The following NMT2 variants were observed in gnomAD, a reference collection of about 807,000 sequenced individuals.
The protein encoded by NMT2 is N-myristoyltransferase 2, also known as glycylpeptide N-tetradecanoyltransferase 2.
NMT2 carries 35 observed loss-of-function variants against 65.4 expected under a neutral mutation model. The observed-to-expected ratio is 0.54, with a 90% confidence interval of 0.41 to 0.71. The LOEUF is 0.71. Among genes scored for constraint, NMT2 ranks in the 30% least tolerant of loss-of-function variants. NMT2 has a pLI of 0.00. For missense variants in NMT2, 489 were observed against 611.3 expected, an observed-to-expected ratio of 0.80 and a Z score of 2.11; for synonymous variants, 226 against 231.8, an observed-to-expected ratio of 0.98 and a Z score of 0.23.
intron 8 of NMT2, among the ~76,000 whole-genome samples, chr10:15,127,981 TCG>T (rs1846154511): frequency 1.3e-5 from 2 of 152,150 alleles, no homozygotes; most frequent in Admixed American, 1.3e-4. Context: ...TTATTTCCAC[TCG>T]CTGGGTCTCT....
At chr10:15,130,903 C>T (rs528502980) in intron 6 of NMT2, among the ~76,000 whole-genome samples, 1 of 150,534 alleles carries the variant, frequency 6.6e-6, no homozygotes, top group African/African-American at 2.4e-5. Context: ...GATTCTCCTG[C>T]GTCAGCCTCC....
chr10:15,138,523 G>A, intron 2 of NMT2: 1 of 469,518 alleles, frequency 2.1e-6, no homozygotes, highest in Non-Finnish European at 4.4e-6. Context: ...TCCTATATAA[G>A]AGGCAGGTAT....
At chr10:15,152,262 A>G (rs1832831771) in intron 1 of NMT2, among the ~76,000 whole-genome samples, 1 of 152,200 alleles carries the variant, frequency 6.6e-6, no homozygotes, top group Admixed American at 6.5e-5. Flanking sequence ...CTCAAACACA[A>G]AAGGAAATGC....
At chr10:15,119,610 A>G (rs1347811965) in intron 8 of NMT2, 97 bp from the exon 9 acceptor site, 1 of 988,392 alleles carries the variant, frequency 1.0e-6, no homozygotes, top group East Asian at 2.4e-5. Flanking sequence ...CAGCAGAATG[A>G]GCAGCACGCG....
intron 8 of NMT2, among the ~76,000 whole-genome samples, chr10:15,123,301 C>G (rs956908459): frequency 9.2e-5 from 14 of 152,000 alleles, no homozygotes; most frequent in South Asian, 2.1e-4. Context: ...AATCTCAGCA[C>G]TTTGGGAGGC....
chr10:15,146,359 A>T (rs978360773), intron 1 of NMT2, among the ~76,000 whole-genome samples: 1 of 152,258 alleles, frequency 6.6e-6, no homozygotes, highest in Non-Finnish European at 1.5e-5. Flanking sequence ...AATGTAACAG[A>T]GCCATGTAAA....
At chr10:15,115,825 A>C (rs1239459986) in intron 9 of NMT2, among the ~76,000 whole-genome samples, 3 of 152,198 alleles carry the variant, frequency 2.0e-5, no homozygotes, top group Non-Finnish European at 2.9e-5. Context: ...GAGCAAGGAA[A>C]ATTATTAGAA....
rs537971107 is a variant in NMT2 at position 15,108,010 on chromosome 10, G to A, written c.*1185C>T. The stretch of plus-strand genomic sequence containing the variant: ...GAGGAGTATGTGCAATTTTGCATAA[G>A]TAATAAAAACATTCAAACTATCAAT... On this transcript the variant is annotated 3_prime_UTR_variant, in exon 12 of 12. Transcript: ENST00000378165. 4.1e-6 allele frequency: 4 copies of A among 985,744 alleles called. No homozygotes were observed. In the East Asian group the frequency reaches 4.5e-4, roughly 112 times the overall value. 61.1% of individuals were successfully genotyped at this position (985,744 alleles called of 1,614,324 possible). A position where few individuals can be genotyped will look rare whatever the true frequency, so the allele number is the denominator to read the frequency against.
At position 15,132,861 on chromosome 10, in the gene NMT2, G is replaced by A. The variant is rs772139925; in HGVS notation, c.675C>T (p.Val225=). Residue 225 remains valine, a synonymous_variant, in exon 6 of 12, where the codon GTC becomes GTT. Coordinates refer to ENST00000378165, the MANE Select transcript of NMT2 (RefSeq NM_004808.3). ...GVRVSSNKKL[V]GFISAIPANI... ...TTGCTGGGATGGCACTTATGAACCCGACCAGTTTTTTATTTGAAGACACTC... is the reference window on the plus strand; with the variant it reads ...TTGCTGGGATGGCACTTATGAACCCAACCAGTTTTTTATTTGAAGACACTC... 9.3e-6 allele frequency: 15 copies of A among 1,613,668 alleles called. No homozygotes were observed. The highest frequency in any genetic ancestry group is 6.7e-5 in the Admixed American group (4 of 59,942).
chr10:15,157,726 G>T (rs1833048294), intron 1 of NMT2, among the ~76,000 whole-genome samples: 2 of 152,112 alleles, frequency 1.3e-5, no homozygotes, highest in South Asian at 4.1e-4. Context: ...TATTCTTTAA[G>T]CAAAGAAATG....
intron 1 of NMT2, 107 bp downstream of exon 1, chr10:15,168,396 G>A (rs1375686959): frequency 7.5e-6 from 6 of 796,764 alleles, no homozygotes; most frequent in Admixed American, 4.9e-5. Context: ...ATCGCGGGGC[G>A]GAGCGGCCGA....
chr10:15,155,868 C>T (rs772320167), intron 1 of NMT2, among the ~76,000 whole-genome samples: 1 of 149,996 alleles, frequency 6.7e-6, no homozygotes, highest in Non-Finnish European at 1.5e-5. Flanking sequence ...ACTGTGATTC[C>T]AAGACAGTGA....
chr10:15,149,639 C>T (rs1416301338), intron 1 of NMT2, among the ~76,000 whole-genome samples: 2 of 147,130 alleles, frequency 1.4e-5, no homozygotes, highest in Non-Finnish European at 3.0e-5. Context: ...CACTTCGCAA[C>T]ACTTACTATG....
At chr10:15,161,303 A>T (rs1222267117) in intron 1 of NMT2, among the ~76,000 whole-genome samples, 1 of 152,026 alleles carries the variant, frequency 6.6e-6, no homozygotes, top group African/African-American at 2.4e-5. Flanking sequence ...AAGAAAAAAA[A>T]TCATGTGAGA....
Position 15,108,953 on chromosome 10 carries a change from A to C in NMT2, c.*242T>G, listed in dbSNP as rs1845410698. On this transcript the variant is annotated 3_prime_UTR_variant, in exon 12 of 12. Coordinates refer to ENST00000378165, the MANE Select transcript of NMT2 (RefSeq NM_004808.3). The stretch of plus-strand genomic sequence containing the variant: ...AGGCAAAAATTTGAAAATTACAAGA[A>C]TGTGCTCTTTGTAGCCTTTCATCCC... 4 of 1,269,744 alleles carry C rather than the reference A, an allele frequency of 3.2e-6. No homozygotes were observed. Among genetic ancestry groups the C allele is most frequent in the African/African-American group, 1.6e-5 (1 of 63,826 alleles). 78.7% of individuals were successfully genotyped at this position (1,269,744 alleles called of 1,614,324 possible).
chr10:15,153,763 C>T (rs1328357093), intron 1 of NMT2, among the ~76,000 whole-genome samples: 2 of 152,138 alleles, frequency 1.3e-5, no homozygotes, highest in Non-Finnish European at 2.9e-5. Context: ...CATTCTCCTG[C>T]CTCAGCCTCC....
chr10:15,140,939 G>C, intron 2 of NMT2: 1 of 1,500,484 alleles, frequency 6.7e-7, no homozygotes, highest in Non-Finnish European at 9.1e-7. Context: ...TTAGAATGAA[G>C]AACGACCGCT....
chr10:15,164,450 A>G lies in NMT2; in HGVS notation c.110+4053T>C, dbSNP rs541441519. ...AGGGGACAGATTTGGTTTTGTTACC[A>G]AAGTTCAACACGAATTTTATTTGAC... On this transcript the variant is annotated intron_variant, in intron 1 of 11. Transcript: ENST00000378165. Among the ~76,000 whole-genome samples, 3 of 152,310 alleles carry G rather than the reference A, an allele frequency of 2.0e-5. No individual in the cohort carries two copies. In the South Asian group the frequency reaches 6.2e-4, roughly 32 times the overall value.
At position 15,130,153 on chromosome 10, in the gene NMT2, T is replaced by A; in HGVS notation, c.879A>T (p.Ile293=). Residue 293 remains isoleucine (I), a synonymous_variant, in exon 7 of 12, where the codon ATA becomes ATT. Transcript: ENST00000378165. ...TATGGTACTGGTACCTGCATGTGGC[T>A]ATGGGCTTAGGAAGAACCACTCCCG... is the stretch of plus-strand genomic sequence containing the variant. ...YTAGVVLPKP[I]ATCRYWHRSL... 6.5e-7 allele frequency: 1 copy of A among 1,527,958 alleles called. No homozygotes were observed. Among genetic ancestry groups the A allele is most frequent in the Non-Finnish European group, 8.8e-7 (1 of 1,136,156 alleles). The allele number at this position is 1,527,958 out of a possible 1,614,324, so 94.7% of individuals were successfully genotyped here.
Sources: allele counts gnomAD v4.1 joint callset (sites outside exome capture counted in the v4.1 genomes callset), GRCh38; gene constraint gnomAD v4.1.1; transcripts MANE v1.5; gene names NCBI Gene and HGNC (gene_info 2026-07-23, HGNC 2026-07-21).